BLTP3B: variants seen among roughly 807,000 people sequenced by gnomAD.
The protein encoded by BLTP3B is bridge-like lipid transfer protein family member 3B.
the BLTP3B span, among the ~76,000 whole-genome samples, chr12:100,105,761 T>C: frequency 6.6e-6 from 1 of 152,042 alleles, no homozygotes; most frequent in Non-Finnish European, 1.5e-5. Flanking sequence ...GGATTGTCAA[T>C]ATTCACAAAC....
At chr12:100,092,869 T>C in the BLTP3B span, 23,350 of 980,780 alleles carry the variant, frequency 0.024, 583 homozygotes, top group African/African-American at 0.12. Flanking sequence ...CTTCTTTCCT[T>C]ATACTTTTTC....
chr12:100,062,029 C>T, the BLTP3B span, among the ~76,000 whole-genome samples: 7 of 152,144 alleles, frequency 4.6e-5, no homozygotes, highest in South Asian at 2.1e-4. Flanking sequence ...TTATAAGAAC[C>T]GAACAGGAGG....
chr12:100,112,090 C>T, the BLTP3B span, among the ~76,000 whole-genome samples: 60 of 152,228 alleles, frequency 3.9e-4, 1 homozygote, highest in South Asian at 2.1e-4. Context: ...TATTCTATAA[C>T]GAGCATGTAC....
At chr12:100,107,309 A>AAAAG in the BLTP3B span, among the ~76,000 whole-genome samples, 134 of 141,510 alleles carry the variant, frequency 9.5e-4, 2 homozygotes, top group East Asian at 0.017. Flanking sequence ...AAAAAAAAAA[A>AAAAG]AAAGATAAGT....
chr12:100,083,371 G>C, the BLTP3B span, among the ~76,000 whole-genome samples: 3 of 152,032 alleles, frequency 2.0e-5, no homozygotes, highest in African/African-American at 7.3e-5. Context: ...AAAAACTCTG[G>C]AATGGGACTC....
chr12:100,070,050 T>C, the BLTP3B span: 3 of 1,388,268 alleles, frequency 2.2e-6, no homozygotes, highest in South Asian at 3.4e-5. Flanking sequence ...GAAAAAACAA[T>C]GAATTTAGAT....
At chr12:100,117,806 G>C in the BLTP3B span, among the ~76,000 whole-genome samples, 4 of 152,134 alleles carry the variant, frequency 2.6e-5, no homozygotes, top group East Asian at 7.7e-4. Flanking sequence ...TGACCTTTGG[G>C]GTGCTTTTTA....
the BLTP3B span, chr12:100,059,431 G>C: frequency 3.1e-6 from 5 of 1,614,000 alleles, no homozygotes; most frequent in Non-Finnish European, 4.2e-6. Flanking sequence ...CGACAGTTTG[G>C]ACAGTGCCTT....
chr12:100,060,151 C>A, the BLTP3B span: 1 of 867,856 alleles, frequency 1.2e-6, no homozygotes, highest in Non-Finnish European at 1.6e-6. Context: ...TAAGATAAAA[C>A]AAATTTGAGG....
the BLTP3B span, among the ~76,000 whole-genome samples, chr12:100,073,051 A>G: frequency 6.6e-6 from 1 of 152,336 alleles, no homozygotes; most frequent in Non-Finnish European, 1.5e-5. Context: ...ACACTGTACA[A>G]TATTCCTTAC....
At chr12:100,043,177 T>A in the BLTP3B span, among the ~76,000 whole-genome samples, 2 of 152,246 alleles carry the variant, frequency 1.3e-5, no homozygotes, top group Admixed American at 1.3e-4. Flanking sequence ...TCATATGCAC[T>A]GGTAAACTGA....
At chr12:100,049,415 A>G in the BLTP3B span, among the ~76,000 whole-genome samples, 1 of 152,162 alleles carries the variant, frequency 6.6e-6, no homozygotes, top group Non-Finnish European at 1.5e-5. Flanking sequence ...CATGGGTGTG[A>G]CTAGTCTTAA....
At chr12:100,116,845 G>T in the BLTP3B span, among the ~76,000 whole-genome samples, 2 of 152,098 alleles carry the variant, frequency 1.3e-5, no homozygotes, top group African/African-American at 4.8e-5. Flanking sequence ...AAATCATACA[G>T]AATTATTAAA....
At chr12:100,122,944 A>T in the BLTP3B span, among the ~76,000 whole-genome samples, 1 of 151,936 alleles carries the variant, frequency 6.6e-6, no homozygotes, top group Non-Finnish European at 1.5e-5. Flanking sequence ...TCACCCTCTC[A>T]TCCTTCTCAT....
At chr12:100,058,033 A>C in the BLTP3B span, 1 of 1,562,570 alleles carries the variant, frequency 6.4e-7, no homozygotes, top group Non-Finnish European at 8.6e-7. Flanking sequence ...TGTTACCTTA[A>C]AGATGACTGT....
At chr12:100,130,998 A>G in the BLTP3B span, among the ~76,000 whole-genome samples, 3,427 of 75,590 alleles carry the variant, frequency 0.045, 87 homozygotes, top group Non-Finnish European at 0.057. Flanking sequence ...AGAGAGAGAG[A>G]GAGAGAGAGA....
the BLTP3B span, chr12:100,069,868 T>G: frequency 1.2e-6 from 1 of 819,500 alleles, no homozygotes; most frequent in African/African-American, 1.8e-5. Flanking sequence ...AATAAAAAAT[T>G]TTTTTAAATA....
the BLTP3B span, chr12:100,039,548 CTAGT>C: frequency 6.0e-6 from 9 of 1,498,154 alleles, no homozygotes; most frequent in Admixed American, 1.6e-4. Flanking sequence ...ATCTTAATAC[CTAGT>C]TATTTAATTG....
At chr12:100,106,183 G>A in the BLTP3B span, among the ~76,000 whole-genome samples, 3 of 151,812 alleles carry the variant, frequency 2.0e-5, no homozygotes, top group African/African-American at 4.8e-5. Flanking sequence ...TCTACCATTC[G>A]ATCCAGCAAT....
Sources: allele counts gnomAD v4.1 joint callset (sites outside exome capture counted in the v4.1 genomes callset), GRCh38; gene constraint gnomAD v4.1.1; transcripts MANE v1.5; gene names NCBI Gene and HGNC (gene_info 2026-07-23, HGNC 2026-07-21).